Variants in RRM2 observed in about 807,000 individuals in gnomAD.
RRM2 encodes the protein ribonucleotide reductase regulatory subunit M2.
Under a neutral mutation model 45.9 loss-of-function variants are expected in RRM2, and 6 were observed. The observed-to-expected ratio is 0.13, with a 90% confidence interval of 0.07 to 0.26. The LOEUF is 0.26. RRM2 is among the 10% of genes least tolerant of loss of function. The probability of loss-of-function intolerance (pLI) is 1.00; values close to 1 mark genes in which losing one functional copy is unlikely to be tolerated. For synonymous variants in RRM2, 177 were observed against 173.0 expected (o/e 1.02, Z -0.18); for missense variants, 343 against 489.5 (o/e 0.70, Z 2.82).
chr2:10,195,631 G>C lies in RRM2; in HGVS notation n.483-14680G>C, dbSNP rs62127561. Among the ~76,000 whole-genome samples the C allele has an allele frequency of 7.4e-3, 1,131 of 152,240 alleles. 16 individuals carry two copies. The highest frequency in any genetic ancestry group is 0.025 in the African/African-American group (1,057 of 41,532). On this transcript the variant is annotated intron_variant and non_coding_transcript_variant, in intron 3 of 3. Coordinates refer to the RRM2 transcript ENST00000381786. The surrounding 1 kb of genome is among the most constrained non-coding windows in gnomAD (Gnocchi z 4.9). ...TGGGAAGCGAGGGAGAAGAGGTCGC[G>C]GTGAGCCTCGGGTGGACCCATGTGG... is the stretch of plus-strand genomic sequence containing the variant.
At chr2:10,182,577 C>T (rs954871087) in intron 3 of RRM2, among the ~76,000 whole-genome samples, 17 of 152,132 alleles carry the variant, frequency 1.1e-4, no homozygotes, top group Non-Finnish European at 2.5e-4. Context: ...GTGAGGGGAT[C>T]GCTTCAGCCC....
chr2:10,129,055 G>A lies in RRM2; in HGVS notation c.918G>A (p.Glu306=), dbSNP rs1662843163. Residue 306 remains glutamate (E), a synonymous_variant, in exon 9 of 10, where the codon GAG becomes GAA. Coordinates refer to ENST00000304567, the MANE Select transcript of RRM2 (RefSeq NM_001034.4). This position sits in a 1 kb window ranked among gnomAD's most constrained non-coding sequence, Gnocchi z 4.8. Reference sequence around the variant, plus strand: ...TTGGTTCCTAGGAGTTCCTCACTGAGGCCTTGCCTGTGAAGCTCATTGGGA... The same window carrying A: ...TTGGTTCCTAGGAGTTCCTCACTGAAGCCTTGCCTGTGAAGCTCATTGGGA... The part of the protein sequence containing the change: ...AVRIEQEFLT[E]ALPVKLIGMN... 6.2e-7 allele frequency: 1 copy of A among 1,614,002 alleles called. No individual in the cohort carries two copies. The highest frequency in any genetic ancestry group is 1.3e-5 in the African/African-American group (1 of 74,920).
chr2:10,140,621 A>G (rs1246590945), upstream of RRM2, among the ~76,000 whole-genome samples: 1 of 152,232 alleles, frequency 6.6e-6, no homozygotes, highest in Non-Finnish European at 1.5e-5. Context: ...CACAGATCAC[A>G]TTTAAACACA....
At chr2:10,132,481 G>A (rs1662920190), downstream of RRM2, among the ~76,000 whole-genome samples, 1 of 152,142 alleles carries the variant, frequency 6.6e-6, no homozygotes, top group Non-Finnish European at 1.5e-5. Context: ...CGACTCCTGT[G>A]TTCTCATGAA....
At chr2:10,141,952 G>T (rs1356057859) in exon 2 of RRM2, 2 of 1,575,024 alleles carry the variant, frequency 1.3e-6, no homozygotes, top group Admixed American at 1.9e-5. Flanking sequence ...CACCCAGTGT[G>T]CGGTAAGTCA....
intron 3 of RRM2, among the ~76,000 whole-genome samples, chr2:10,162,762 C>T (rs890999645): frequency 1.1e-4 from 16 of 152,026 alleles, no homozygotes; most frequent in African/African-American, 3.6e-4. Flanking sequence ...GGGCGTTTGC[C>T]CTCTCTGGGC....
chr2:10,190,026 G>A (rs980939995), intron 3 of RRM2, among the ~76,000 whole-genome samples: 7 of 151,634 alleles, frequency 4.6e-5, no homozygotes, highest in Non-Finnish European at 7.4e-5. Context: ...GATGATGGTG[G>A]TGATGGTGGT....
rs1459694456 is a variant in RRM2, at chr2:10,130,502, G to T, written c.*1116G>T. 6.6e-6 allele frequency: 1 copy of T among 152,082 alleles called. No homozygotes were observed. Among genetic ancestry groups the T allele is most frequent in the East Asian group, 1.9e-4 (1 of 5,204 alleles). 9.4% of individuals were successfully genotyped at this position (152,082 alleles called of 1,614,324 possible). A position where few individuals can be genotyped will look rare whatever the true frequency, so the allele number is the denominator to read the frequency against. Reference sequence around the variant, plus strand: ...GATTTTACCTGTAGTTCATACTTCAGTCACCCAGTGTCTTATTCTGGCATT... The same window carrying T: ...GATTTTACCTGTAGTTCATACTTCATTCACCCAGTGTCTTATTCTGGCATT... On this transcript the variant is annotated 3_prime_UTR_variant, in exon 10 of 10. Coordinates refer to ENST00000304567, the MANE Select transcript of RRM2 (RefSeq NM_001034.4).
upstream of RRM2, chr2:10,122,610 G>A (rs1662675268): frequency 2.6e-6 from 4 of 1,514,754 alleles, no homozygotes; most frequent in East Asian, 2.5e-5. Context: ...TAGGGGCAAG[G>A]CGCAGCCAAT....
At chr2:10,201,763 A>G (rs1664573822) in intron 3 of RRM2, among the ~76,000 whole-genome samples, 1 of 152,256 alleles carries the variant, frequency 6.6e-6, no homozygotes, top group Admixed American at 6.5e-5. Flanking sequence ...ACACTAAAAC[A>G]TATCAGGATT....
At chr2:10,182,262 CG>C (rs1664075533) in intron 3 of RRM2, among the ~76,000 whole-genome samples, 1 of 151,876 alleles carries the variant, frequency 6.6e-6, no homozygotes, top group East Asian at 1.9e-4. Context: ...TGCTTAAACC[CG>C]GGAGGCGGAG....
intron 3 of RRM2, among the ~76,000 whole-genome samples, chr2:10,190,093 T>C (rs1056778370): frequency 1.3e-5 from 2 of 149,822 alleles, no homozygotes; most frequent in African/African-American, 5.0e-5. Flanking sequence ...GTGGTGATGG[T>C]ACTGATGATG....
intron 3 of RRM2, chr2:10,154,983 A>G (rs191502233): frequency 8.5e-4 from 136 of 160,610 alleles, no homozygotes; most frequent in African/African-American, 3.0e-3. Flanking sequence ...GGCATGAGCC[A>G]CTGTGCCCGG....
chr2:10,181,549 C>T (rs1664047089), intron 3 of RRM2, among the ~76,000 whole-genome samples: 1 of 152,148 alleles, frequency 6.6e-6, no homozygotes, highest in African/African-American at 2.4e-5. Flanking sequence ...TTCTCCAGTT[C>T]AGGCTGGTCT....
At chr2:10,201,506 C>T (rs1308508231) in intron 3 of RRM2, among the ~76,000 whole-genome samples, 1 of 152,230 alleles carries the variant, frequency 6.6e-6, no homozygotes, top group African/African-American at 2.4e-5. Context: ...TCCTGAACGT[C>T]CTTCCTCTAT....
chr2:10,170,560 G>T (rs1377684101), intron 3 of RRM2, among the ~76,000 whole-genome samples: 12 of 152,156 alleles, frequency 7.9e-5, no homozygotes, highest in Admixed American at 7.9e-4. Flanking sequence ...TGCCAAGGAG[G>T]CGCCTGGGCA....
chr2:10,185,517 T>G lies in RRM2; in HGVS notation n.483-24794T>G, dbSNP rs1005121374. Among the ~76,000 whole-genome samples, 1 of 152,212 alleles carries G rather than the reference T, an allele frequency of 6.6e-6. No individual in the cohort carries two copies. The highest frequency in any genetic ancestry group is 1.5e-5 in the Non-Finnish European group (1 of 68,036). ...AACAGAGGTCCATATGTGGCCAGTC[T>G]TGTCTCAGCCTTTTCCCCACCCATT... On this transcript the variant is annotated intron_variant and non_coding_transcript_variant, in intron 3 of 3. Transcript: ENST00000381786. This position sits in a 1 kb window ranked among gnomAD's most constrained non-coding sequence, Gnocchi z 4.3.
chr2:10,190,122 GTGA>G (rs1209973553), intron 3 of RRM2, among the ~76,000 whole-genome samples: 3 of 150,674 alleles, frequency 2.0e-5, no homozygotes, highest in Admixed American at 6.6e-5. Flanking sequence ...GATAGTGATG[GTGA>G]TGATGATGGT....
At chr2:10,135,503 C>T (rs144886037), downstream of RRM2, among the ~76,000 whole-genome samples, 32 of 151,954 alleles carry the variant, frequency 2.1e-4, no homozygotes, top group African/African-American at 6.5e-4. Flanking sequence ...GAGGGGCATG[C>T]GTGCGGGTGT....
Sources: allele counts gnomAD v4.1 joint callset (sites outside exome capture counted in the v4.1 genomes callset), GRCh38; gene constraint gnomAD v4.1.1; non-coding constraint Gnocchi (gnomAD v3.1); transcripts MANE v1.5; gene names NCBI Gene and HGNC (gene_info 2026-07-23, HGNC 2026-07-21).